Variants in CGGBP1 observed in about 807,000 individuals in gnomAD.
The protein encoded by CGGBP1 is CGG triplet repeat binding protein 1.
In CGGBP1, 4 loss-of-function variants were observed where a neutral mutation model predicts 11.4. The observed-to-expected ratio is 0.35, with a 90% CI of 0.17 to 0.80. The LOEUF (loss-of-function observed/expected upper bound fraction) is 0.80, where lower values mean the gene tolerates loss of function less well. CGGBP1 is among the 30% of genes least tolerant of loss of function. The probability of loss-of-function intolerance (pLI) is 0.52; values close to 1 mark genes in which losing one functional copy is unlikely to be tolerated. For synonymous variants in CGGBP1, 76 were observed against 74.1 expected (o/e 1.03, Z -0.13); for missense variants, 135 against 202.1 (o/e 0.67, Z 2.01).
At chr3:88,096,975 C>A (rs567675430) in intron 2 of CGGBP1, among the ~76,000 whole-genome samples, 7 of 152,058 alleles carry the variant, frequency 4.6e-5, no homozygotes, top group Non-Finnish European at 1.0e-4. Flanking sequence ...CACTTAGATA[C>A]CTTTCCCCAT....
chr3:88,105,898 G>T (rs1241063075), intron 2 of CGGBP1, among the ~76,000 whole-genome samples: 1 of 152,170 alleles, frequency 6.6e-6, no homozygotes, highest in Non-Finnish European at 1.5e-5. Flanking sequence ...GGCCATGAGG[G>T]CCTGCCCTCA....
intron 2 of CGGBP1, among the ~76,000 whole-genome samples, chr3:88,066,253 A>G (rs1201206276): frequency 6.6e-6 from 1 of 152,208 alleles, no homozygotes; most frequent in African/African-American, 2.4e-5. Flanking sequence ...TTGCTTTCCA[A>G]ATAACCACTC....
chr3:88,078,855 G>A (rs1234420243), intron 2 of CGGBP1, among the ~76,000 whole-genome samples: 1 of 151,990 alleles, frequency 6.6e-6, no homozygotes, highest in Non-Finnish European at 1.5e-5. Context: ...CTGATTAATG[G>A]TTCTAAGGAT....
intron 2 of CGGBP1, among the ~76,000 whole-genome samples, chr3:88,134,115 A>AT (rs1159362108): frequency 6.6e-5 from 10 of 151,122 alleles, no homozygotes; most frequent in Admixed American, 6.6e-4. Flanking sequence ...AAAAAAAAAA[A>AT]GGTGGGGGGT....
chr3:88,073,525 A>G (rs1303267479), intron 2 of CGGBP1, among the ~76,000 whole-genome samples: 33 of 152,228 alleles, frequency 2.2e-4, no homozygotes, highest in Admixed American at 2.2e-3. Context: ...TGGCTGAATA[A>G]GTGGCTGGAA....
At chr3:88,137,194 CAAAAAAAAAAA>C (rs11401199) in intron 2 of CGGBP1, among the ~76,000 whole-genome samples, 5 of 70,724 alleles carry the variant, frequency 7.1e-5, no homozygotes, top group African/African-American at 1.3e-4. Context: ...GACTCTGTCT[CAAAAAAAAAAA>C]AAAAAAAAAA....
chr3:88,125,166 G>A lies in CGGBP1; in HGVS notation c.-229+15804C>T, dbSNP rs1480810510. On this transcript the variant is annotated intron_variant, in intron 2 of 3. Coordinates refer to the CGGBP1 transcript ENST00000462901. ...GGAGGCAGAGGTTGCAGTGAGCCAAGATCGTGCCACTGCACTCCAGCCTGG... is the reference window on the plus strand; with the variant it reads ...GGAGGCAGAGGTTGCAGTGAGCCAAAATCGTGCCACTGCACTCCAGCCTGG... Among the ~76,000 whole-genome samples the A allele has an allele frequency of 2.0e-5, 3 of 150,704 alleles. No individual in the cohort carries two copies. In the East Asian group the frequency reaches 5.9e-4, roughly 29 times the overall value.
At chr3:88,075,230 T>C (rs116439635) in intron 2 of CGGBP1, among the ~76,000 whole-genome samples, 1,690 of 152,366 alleles carry the variant, frequency 0.011, 16 homozygotes, top group Non-Finnish European at 0.016. Flanking sequence ...CTAGCTGTTA[T>C]AAAGAGCATA....
intron 2 of CGGBP1, among the ~76,000 whole-genome samples, chr3:88,066,338 C>A (rs1440482228): frequency 6.6e-6 from 1 of 152,126 alleles, no homozygotes; most frequent in Non-Finnish European, 1.5e-5. Flanking sequence ...CTTTGGGAGT[C>A]CAAGGCAGGC....
At chr3:88,066,557 G>A (rs1707210100) in intron 2 of CGGBP1, among the ~76,000 whole-genome samples, 1 of 151,438 alleles carries the variant, frequency 6.6e-6, no homozygotes, top group Non-Finnish European at 1.5e-5. Context: ...GCGAGACTGT[G>A]TAAAACAAAC....
intron 2 of CGGBP1, among the ~76,000 whole-genome samples, chr3:88,090,038 A>G (rs1708550819): frequency 6.6e-6 from 1 of 152,216 alleles, no homozygotes; most frequent in Non-Finnish European, 1.5e-5. Flanking sequence ...AGATAAAAGT[A>G]TAGCATATAG....
chr3:88,091,710 T>C (rs1478048977), intron 2 of CGGBP1, among the ~76,000 whole-genome samples: 2 of 152,140 alleles, frequency 1.3e-5, no homozygotes, highest in Admixed American at 6.5e-5. Flanking sequence ...CCTGTGCTGT[T>C]CTCATGATAG....
chr3:88,065,108 A>C (rs1707119377), intron 2 of CGGBP1, among the ~76,000 whole-genome samples: 1 of 152,230 alleles, frequency 6.6e-6, no homozygotes, highest in Non-Finnish European at 1.5e-5. Flanking sequence ...TGCAAATGAA[A>C]ATTTTAGCTT....
At chr3:88,092,121 A>C (rs1703778142) in intron 2 of CGGBP1, among the ~76,000 whole-genome samples, 1 of 152,222 alleles carries the variant, frequency 6.6e-6, no homozygotes, top group Non-Finnish European at 1.5e-5. Flanking sequence ...CAGAGAAGTT[A>C]ATTATATTTT....
chr3:88,085,014 C>T (rs1190629317), intron 2 of CGGBP1, among the ~76,000 whole-genome samples: 1 of 152,202 alleles, frequency 6.6e-6, no homozygotes, highest in African/African-American at 2.4e-5. Context: ...AGGGAGACAG[C>T]ATCTCTGTTT....
At chr3:88,149,650 C>T (rs1195820983) in intron 1 of CGGBP1, 1 of 155,972 alleles carries the variant, frequency 6.4e-6, no homozygotes, top group Non-Finnish European at 1.4e-5. Flanking sequence ...CTCCATTGGC[C>T]GGCCCCGCGG....
At chr3:88,073,897 T>C (rs1707650822) in intron 2 of CGGBP1, among the ~76,000 whole-genome samples, 1 of 152,240 alleles carries the variant, frequency 6.6e-6, no homozygotes, top group Non-Finnish European at 1.5e-5. Context: ...TAATTTATTT[T>C]CTCCTTTTAG....
intron 2 of CGGBP1, chr3:88,139,261 C>A: frequency 6.5e-7 from 1 of 1,533,862 alleles, no homozygotes; most frequent in Non-Finnish European, 8.7e-7. Context: ...AAAAATCTTA[C>A]AGCTCTCAGT....
intron 1 of CGGBP1, among the ~76,000 whole-genome samples, chr3:88,147,558 C>T (rs1707332911): frequency 1.3e-5 from 2 of 152,182 alleles, no homozygotes; most frequent in Non-Finnish European, 2.9e-5. Context: ...TGTATATCTA[C>T]ACTATCCAAG....
Sources: allele counts gnomAD v4.1 joint callset (sites outside exome capture counted in the v4.1 genomes callset), GRCh38; gene constraint gnomAD v4.1.1; transcripts MANE v1.5; gene names NCBI Gene and HGNC (gene_info 2026-07-23, HGNC 2026-07-21).